SCD5: variants seen among roughly 807,000 people sequenced by gnomAD.
SCD5 encodes the protein stearoyl-CoA desaturase 5, also known as acyl-CoA-desaturase 4.
Under a neutral mutation model 30.4 loss-of-function variants are expected in SCD5, and 20 were observed. The ratio of observed to expected loss-of-function variants is 0.66; its 90% CI spans 0.46 to 0.96. The LOEUF (loss-of-function observed/expected upper bound fraction) is 0.96, where lower values mean the gene tolerates loss of function less well. SCD5 is among the 40% of genes least tolerant of loss of function. The pLI, the probability that SCD5 is intolerant of heterozygous loss-of-function variation, is 0.00. For synonymous variants in SCD5, 173 were observed against 176.4 expected (o/e 0.98, Z 0.16); for missense variants, 381 against 443.3 (o/e 0.86, Z 1.26).
intron 3 of SCD5, among the ~76,000 whole-genome samples, chr4:82,677,487 A>G (rs1728461302): frequency 6.6e-6 from 1 of 152,142 alleles, no homozygotes. Flanking sequence ...ACATATAATG[A>G]CTTTGATTCC....
Position 82,761,455 on chromosome 4 carries a change from A to C in SCD5, c.232+36851T>G, listed in dbSNP as rs575301092. Among the ~76,000 whole-genome samples, 6 of 152,276 alleles carry C rather than the reference A, an allele frequency of 3.9e-5. No individual in the cohort carries two copies. In the East Asian group the frequency reaches 1.2e-3, roughly 29 times the overall value. On this transcript the variant is annotated intron_variant, in intron 1 of 4. Coordinates refer to ENST00000319540, the MANE Select transcript of SCD5 (RefSeq NM_001037582.3). ...AGCTGTTTCCATGGAGACAGTGGTG[A>C]TTTCAGGAAATCCATCTGTTTTAGA...
intron 1 of SCD5, among the ~76,000 whole-genome samples, chr4:82,787,645 T>C (rs963884290): frequency 2.0e-5 from 3 of 152,114 alleles, no homozygotes; most frequent in Admixed American, 2.0e-4. Flanking sequence ...CTTCAAGGTG[T>C]TGGTATTAGG....
At chr4:82,725,655 T>C (rs114268135) in intron 1 of SCD5, among the ~76,000 whole-genome samples, 2,633 of 151,332 alleles carry the variant, frequency 0.017, 54 homozygotes, top group African/African-American at 0.05. Flanking sequence ...AGACCAGGAG[T>C]TCGAGGCTAG....
intron 2 of SCD5, among the ~76,000 whole-genome samples, chr4:82,685,546 C>T (rs967998809): frequency 5.3e-5 from 8 of 151,854 alleles, no homozygotes; most frequent in Non-Finnish European, 1.2e-4. Context: ...AACCCCATCT[C>T]GACTAAAAAT....
At chr4:82,782,082 C>G (rs1480405821) in intron 1 of SCD5, among the ~76,000 whole-genome samples, 1 of 150,778 alleles carries the variant, frequency 6.6e-6, no homozygotes, top group Non-Finnish European at 1.5e-5. Flanking sequence ...TACAAAGGAC[C>G]CTCCTATCTT....
chr4:82,710,300 G>C (rs967317161), intron 1 of SCD5, among the ~76,000 whole-genome samples: 4 of 152,130 alleles, frequency 2.6e-5, no homozygotes, highest in Non-Finnish European at 5.9e-5. Flanking sequence ...AAGATCCAGA[G>C]AGCAGTGCTC....
intron 1 of SCD5, among the ~76,000 whole-genome samples, chr4:82,770,402 A>G (rs1341279406): frequency 6.6e-6 from 1 of 152,136 alleles, no homozygotes; most frequent in African/African-American, 2.4e-5. Flanking sequence ...GAAAGCCCTA[A>G]GGGTTGATGA....
At chr4:82,672,029 T>C (rs555706192) in intron 3 of SCD5, among the ~76,000 whole-genome samples, 2 of 152,196 alleles carry the variant, frequency 1.3e-5, no homozygotes, top group African/African-American at 4.8e-5. Flanking sequence ...ACAAAACTTA[T>C]CAAAATTTGT....
intron 1 of SCD5, among the ~76,000 whole-genome samples, chr4:82,722,800 G>A (rs1332282075): frequency 2.6e-5 from 4 of 151,200 alleles, no homozygotes; most frequent in Admixed American, 6.6e-5. Flanking sequence ...GGGCTCAGTA[G>A]CTCACGCATG....
intron 2 of SCD5, among the ~76,000 whole-genome samples, chr4:82,683,172 T>C (rs975395463): frequency 2.0e-5 from 3 of 152,210 alleles, no homozygotes; most frequent in Non-Finnish European, 4.4e-5. Flanking sequence ...TCAAAAATTA[T>C]AGCCTGGCTT....
At chr4:82,753,786 C>G (rs549553844) in intron 1 of SCD5, among the ~76,000 whole-genome samples, 1 of 151,880 alleles carries the variant, frequency 6.6e-6, no homozygotes, top group Non-Finnish European at 1.5e-5. Context: ...CCAGCACATA[C>G]CCCCCTGACA....
intron 1 of SCD5, among the ~76,000 whole-genome samples, chr4:82,755,310 G>C (rs1341332088): frequency 2.0e-5 from 3 of 152,120 alleles, no homozygotes; most frequent in African/African-American, 7.2e-5. Flanking sequence ...GACCAGCCTG[G>C]CCAACATGGC....
At chr4:82,762,105 T>G (rs540217462) in intron 1 of SCD5, among the ~76,000 whole-genome samples, 1 of 145,632 alleles carries the variant, frequency 6.9e-6, no homozygotes, top group Non-Finnish European at 1.5e-5. Flanking sequence ...GCCCAGGGAG[T>G]AGAGGCTGCA....
At chr4:82,744,716 C>T (rs1444825719) in intron 1 of SCD5, among the ~76,000 whole-genome samples, 1 of 152,034 alleles carries the variant, frequency 6.6e-6, no homozygotes, top group Admixed American at 6.6e-5. Flanking sequence ...AATTATTTAG[C>T]ATCAATAACA....
chr4:82,775,290 T>C (rs1721721283), intron 1 of SCD5, among the ~76,000 whole-genome samples: 1 of 152,220 alleles, frequency 6.6e-6, no homozygotes, highest in African/African-American at 2.4e-5. Flanking sequence ...TAGGCATGGA[T>C]TCTGAGCAGG....
At chr4:82,651,390 C>T (rs1182023337) in intron 3 of SCD5, among the ~76,000 whole-genome samples, 1 of 152,104 alleles carries the variant, frequency 6.6e-6, no homozygotes, top group Non-Finnish European at 1.5e-5. Flanking sequence ...GTCGTATGTT[C>T]TCACTCATGT....
chr4:82,682,921 T>A (rs1728611860), intron 2 of SCD5, among the ~76,000 whole-genome samples: 1 of 152,206 alleles, frequency 6.6e-6, no homozygotes, highest in Admixed American at 6.5e-5. Flanking sequence ...GTTCATGCAA[T>A]TCTCCTGTCT....
intron 3 of SCD5, among the ~76,000 whole-genome samples, chr4:82,657,358 C>T (rs944247095): frequency 6.6e-6 from 1 of 152,150 alleles, no homozygotes; most frequent in Admixed American, 6.5e-5. Flanking sequence ...AATAGGGAAT[C>T]CTTTTCCCAT....
chr4:82,795,678 C>T (rs558082085), intron 1 of SCD5, among the ~76,000 whole-genome samples: 12 of 151,662 alleles, frequency 7.9e-5, no homozygotes, highest in South Asian at 6.3e-4. Context: ...AGAAAATAGC[C>T]AGGTGTGGTG....
Sources: gnomAD v4.1 joint callset for allele counts (sites outside exome capture counted in the v4.1 genomes callset) on GRCh38, gnomAD v4.1.1 for gene constraint, MANE v1.5 for transcripts, NCBI Gene and HGNC (gene_info 2026-07-23, HGNC 2026-07-21) for gene names.